The following RIC3 variants were observed in gnomAD, a reference collection of about 807,000 sequenced individuals.
RIC3 encodes the protein RIC3 acetylcholine receptor chaperone, also known as protein RIC-3.
In RIC3, 28 loss-of-function variants were observed where a neutral mutation model predicts 27.3. That is an observed-to-expected ratio of 1.02 (90% CI 0.76 to 1.41). RIC3 has a LOEUF of 1.41. Among genes scored for constraint, RIC3 ranks in the 40% most tolerant of loss-of-function variants. The probability of loss-of-function intolerance (pLI) is 0.00; values close to 1 mark genes in which losing one functional copy is unlikely to be tolerated. For missense variants in RIC3, 501 were observed against 444.7 expected (o/e 1.13, Z -1.14); for synonymous variants, 184 against 160.4 (o/e 1.15, Z -1.11).
At chr11:8,132,002 C>T (rs189943689) in intron 4 of RIC3, among the ~76,000 whole-genome samples, 1 of 149,540 alleles carries the variant, frequency 6.7e-6, no homozygotes, top group African/African-American at 2.5e-5. Context: ...TAGGCTAAGT[C>T]TAGCCTCAAA....
intron 5 of RIC3, among the ~76,000 whole-genome samples, chr11:8,115,169 GAC>G (rs1945707179): frequency 6.6e-6 from 1 of 152,020 alleles, no homozygotes; most frequent in Admixed American, 6.6e-5. Flanking sequence ...AAAAATCAAA[GAC>G]AGAGAGGATG....
At chr11:8,161,446 C>A (rs1429339938) in intron 1 of RIC3, among the ~76,000 whole-genome samples, 1 of 152,234 alleles carries the variant, frequency 6.6e-6, no homozygotes, top group Admixed American at 6.5e-5. Context: ...CTCTCCCTCA[C>A]TTTCCCATTC....
At chr11:8,140,336 G>T in intron 1 of RIC3, 143 bp from the exon 2 acceptor site, 1 of 696,506 alleles carries the variant, frequency 1.4e-6, no homozygotes, top group Admixed American at 2.9e-5. Flanking sequence ...GGATACAGAG[G>T]TATCACACAT....
intron 4 of RIC3, among the ~76,000 whole-genome samples, chr11:8,132,343 T>C (rs868112834): frequency 8.5e-5 from 13 of 152,208 alleles, no homozygotes; most frequent in African/African-American, 3.1e-4. Context: ...GAGTTATTTT[T>C]CTAAAGCACA....
At chr11:8,102,668 A>G (rs1446831566), downstream of RIC3, 2 of 152,198 alleles carry the variant, frequency 1.3e-5, no homozygotes, top group African/African-American at 4.8e-5. Context: ...GTTGGTAACC[A>G]TGTAGGTTCT....
chr11:8,128,883 T>C (rs891139844), intron 4 of RIC3, among the ~76,000 whole-genome samples: 2 of 149,932 alleles, frequency 1.3e-5, no homozygotes, highest in African/African-American at 2.5e-5. Context: ...GCCTCCCGCA[T>C]AGCTGGGACT....
chr11:8,098,889 T>C, the RIC3 span: 1 of 1,576,564 alleles, frequency 6.3e-7, no homozygotes, highest in South Asian at 1.1e-5. Flanking sequence ...AGTCCTAGGT[T>C]CGGGGGTCTC....
chr11:8,138,020 A>C (rs1395478272), intron 3 of RIC3, among the ~76,000 whole-genome samples: 1 of 152,210 alleles, frequency 6.6e-6, no homozygotes, highest in Non-Finnish European at 1.5e-5. Context: ...AAGTCTGAAA[A>C]TGAGAAGTCA....
the RIC3 span, among the ~76,000 whole-genome samples, chr11:8,099,433 G>C: frequency 6.6e-6 from 1 of 152,054 alleles, no homozygotes; most frequent in Non-Finnish European, 1.5e-5. Context: ...CTGGGCATGG[G>C]CACTTCTTGG....
At chr11:8,140,480 G>A (rs1948927803) in intron 1 of RIC3, among the ~76,000 whole-genome samples, 1 of 152,114 alleles carries the variant, frequency 6.6e-6, no homozygotes, top group Non-Finnish European at 1.5e-5. Flanking sequence ...TTCCAACCAA[G>A]GAATGTGACT....
At position 8,140,168 on chromosome 11, in the gene RIC3, C is replaced by A; in HGVS notation, c.150G>T (p.Met50Ile). The change falls in exon 2 of 6, where the codon ATG (methionine) becomes ATT (isoleucine). Residue 50 changes from methionine (M) to isoleucine (I), a missense_variant. Met to Ile is a conservative substitution (Grantham distance 10). Coordinates refer to ENST00000309737, the MANE Select transcript of RIC3 (RefSeq NM_001206671.4). ...PEGKLGRFPP[M>I]MHHHQAPSDG... ...CTGAGGGTGCCTGGTGATGATGCAT[C>A]ATAGGTGGAAATCGGCCCAATTTTC... 1 of 1,613,098 alleles carries A rather than the reference C, an allele frequency of 6.2e-7. No individual in the cohort carries two copies. The highest frequency in any genetic ancestry group is 8.5e-7 in the Non-Finnish European group (1 of 1,179,696).
chr11:8,130,520 C>CCAG (rs1377905656), intron 4 of RIC3, among the ~76,000 whole-genome samples: 2 of 152,252 alleles, frequency 1.3e-5, no homozygotes, highest in East Asian at 1.9e-4. Flanking sequence ...TTTTTGCTAG[C>CCAG]CAGAGTTGGC....
intron 5 of RIC3, among the ~76,000 whole-genome samples, chr11:8,113,692 C>T (rs554871287): frequency 3.3e-5 from 5 of 152,274 alleles, no homozygotes; most frequent in African/African-American, 1.2e-4. Flanking sequence ...CCCAGTAGAC[C>T]CCAGCATTGG....
intron 1 of RIC3, among the ~76,000 whole-genome samples, chr11:8,158,433 T>C (rs369786525): frequency 2.0e-5 from 3 of 152,040 alleles, no homozygotes; most frequent in African/African-American, 4.8e-5. Context: ...TAGGACTCTC[T>C]TGAAGCCACC....
chr11:8,157,711 T>C (rs1020628128), intron 1 of RIC3, among the ~76,000 whole-genome samples: 4 of 152,220 alleles, frequency 2.6e-5, no homozygotes, highest in African/African-American at 9.6e-5. Flanking sequence ...CTCAAGATCC[T>C]GCCCAGTCAT....
At chr11:8,150,496 A>C (rs1367018919) in intron 1 of RIC3, among the ~76,000 whole-genome samples, 1 of 152,172 alleles carries the variant, frequency 6.6e-6, no homozygotes, top group Admixed American at 6.5e-5. Flanking sequence ...CCAGTTGTTG[A>C]TGGAATACAG....
intron 3 of RIC3, 83 bp from the exon 4 acceptor site, chr11:8,137,554 T>C (rs866907890): frequency 3.0e-6 from 3 of 996,612 alleles, no homozygotes; most frequent in Non-Finnish European, 4.6e-6. Context: ...TAAAAAGCTA[T>C]TGTACTGTCT....
intron 2 of RIC3, 58 bp downstream of exon 2, chr11:8,139,908 AT>A (rs1387788942): frequency 1.4e-6 from 2 of 1,454,660 alleles, no homozygotes; most frequent in Non-Finnish European, 1.9e-6. Flanking sequence ...GTAGACAATG[AT>A]TTTTATTGCC....
chr11:8,118,912 C>T (rs1271207219), intron 5 of RIC3, among the ~76,000 whole-genome samples: 3 of 150,800 alleles, frequency 2.0e-5, no homozygotes, highest in East Asian at 3.9e-4. Context: ...ATGGACATGG[C>T]TGAAAACCAA....
Sources: gnomAD v4.1 joint callset for allele counts (sites outside exome capture counted in the v4.1 genomes callset) on GRCh38, gnomAD v4.1.1 for gene constraint, MANE v1.5 for transcripts, NCBI Gene and HGNC (gene_info 2026-07-23, HGNC 2026-07-21) for gene names.